Variants in RAPGEF4 observed in about 807,000 individuals in gnomAD.
The protein encoded by RAPGEF4 is RAP guanine-nucleotide-exchange factor (GEF) 4.
RAPGEF4 carries 66 observed loss-of-function variants against 147.9 expected under a neutral mutation model. The ratio of observed to expected loss-of-function variants is 0.45; its 90% confidence interval spans 0.37 to 0.55. The LOEUF (loss-of-function observed/expected upper bound fraction) is 0.55, where lower values mean the gene tolerates loss of function less well. Ranked by LOEUF, RAPGEF4 falls within the 20% of genes least tolerant of loss-of-function variation. The pLI, the probability that RAPGEF4 is intolerant of heterozygous loss-of-function variation, is 0.00. For missense variants in RAPGEF4, 1,071 were observed against 1,257.3 expected (o/e 0.85, Z 2.24); for synonymous variants, 419 against 442.7 (o/e 0.95, Z 0.67).
rs575104832 is a variant in RAPGEF4 at position 172,773,963 on chromosome 2, A to G, written c.66-21062A>G. Among the ~76,000 whole-genome samples the G allele has an allele frequency of 1.5e-4, 23 of 152,260 alleles. No homozygotes were observed. In the East Asian group the frequency reaches 3.1e-3, roughly 20 times the overall value. On this transcript the variant is annotated intron_variant, in intron 1 of 30. Coordinates refer to ENST00000397081, the MANE Select transcript of RAPGEF4 (RefSeq NM_007023.4). ...TATTTCTAAGTAAGGTGCATACATAATTTATTGTCCAAACCAGAATACTTT... is the reference window on the plus strand; with the variant it reads ...TATTTCTAAGTAAGGTGCATACATAGTTTATTGTCCAAACCAGAATACTTT...
At chr2:172,935,624 G>T (rs1196144443) in intron 6 of RAPGEF4, among the ~76,000 whole-genome samples, 1 of 152,218 alleles carries the variant, frequency 6.6e-6, no homozygotes, top group African/African-American at 2.4e-5. Context: ...AAGTTGGACA[G>T]ATGCACTTAT....
rs1436576828 is a variant in RAPGEF4 at position 172,988,237 on chromosome 2, C to G, written c.1192C>G (p.Leu398Val). The change falls in exon 13 of 31, where the codon CTA becomes GTA. Residue 398 changes from leucine to valine, a missense_variant. By Grantham distance (32) the Leu-to-Val change is conservative. Transcript: ENST00000397081. ...AGAAGGTACCTCCTGGTACATTATT[C>G]TAAAAGGATCAGTGAATGTAGTCAT... ...GEEGTSWYII[L>V]KGSVNVVIYG... 5 of 1,611,370 alleles carry G rather than the reference C, an allele frequency of 3.1e-6. No homozygotes were observed. The highest frequency in any genetic ancestry group is 4.2e-6 in the Non-Finnish European group (5 of 1,179,390).
intron 10 of RAPGEF4, among the ~76,000 whole-genome samples, chr2:172,973,701 G>T (rs960238471): frequency 6.6e-6 from 1 of 152,184 alleles, no homozygotes. Context: ...TTAGAGAGAG[G>T]TGTGGTGTGA....
chr2:172,956,009 A>G (rs1688690911), intron 6 of RAPGEF4, among the ~76,000 whole-genome samples: 2 of 152,162 alleles, frequency 1.3e-5, no homozygotes, highest in South Asian at 4.1e-4. Flanking sequence ...CATTTAACCT[A>G]ATCATTTATA....
intron 1 of RAPGEF4, among the ~76,000 whole-genome samples, chr2:172,789,137 C>T (rs1195085726): frequency 6.6e-6 from 1 of 152,200 alleles, no homozygotes; most frequent in African/African-American, 2.4e-5. Context: ...AAAAGAACCT[C>T]TCACTCCTTC....
At chr2:172,757,530 TCTTCC>T (rs1695893314) in intron 1 of RAPGEF4, among the ~76,000 whole-genome samples, 1 of 152,238 alleles carries the variant, frequency 6.6e-6, no homozygotes, top group Admixed American at 6.5e-5. Context: ...CATCCTATCT[TCTTCC>T]CTTGCACAAA....
chr2:172,758,781 A>G (rs779292351), intron 1 of RAPGEF4, among the ~76,000 whole-genome samples: 15 of 152,088 alleles, frequency 9.9e-5, no homozygotes, highest in Non-Finnish European at 2.1e-4. Flanking sequence ...AGTTTGAGAT[A>G]CCTATTAGAC....
chr2:172,889,224 G>A lies in RAPGEF4; in HGVS notation c.445-28578G>A, dbSNP rs549949603. Among the ~76,000 whole-genome samples, 5 of 151,760 alleles carry A rather than the reference G, an allele frequency of 3.3e-5. No individual in the cohort carries two copies. In the South Asian group the frequency reaches 8.4e-4, roughly 25 times the overall value. On this transcript the variant is annotated intron_variant, in intron 4 of 30. Coordinates refer to ENST00000397081, the MANE Select transcript of RAPGEF4 (RefSeq NM_007023.4). ...CACTCATTTTTTTTTCCTTACTAAA[G>A]AGCTGGAAGAGATCACATGACACTG...
Position 172,795,165 on chromosome 2 carries a change from C to T in RAPGEF4, c.206C>T (p.Thr69Ile), listed in dbSNP as rs1397469873. The T allele has an allele frequency of 1.2e-6, 2 of 1,605,928 alleles. No homozygotes were observed. The highest frequency in any genetic ancestry group is 1.7e-6 in the Non-Finnish European group (2 of 1,173,226). ...GYYENLEKGI[T>I]LFRQGDIGTN... Reference sequence around the variant, plus strand: ...TATGAGAATCTGGAAAAGGGAATAACATGTAAGAAATGCAACTCTTGTAGT... The same window carrying T: ...TATGAGAATCTGGAAAAGGGAATAATATGTAAGAAATGCAACTCTTGTAGT... The change falls in exon 2 of 31, where the codon ACA becomes ATA. Residue 69 changes from threonine (T) to isoleucine (I), a missense_variant and splice_region_variant. Physicochemically the swap from Thr to Ile is moderately conservative, Grantham distance 89. Transcript: ENST00000397081.
chr2:172,878,176 A>G (rs923729375), intron 4 of RAPGEF4, among the ~76,000 whole-genome samples: 6 of 152,216 alleles, frequency 3.9e-5, no homozygotes, highest in African/African-American at 1.4e-4. Flanking sequence ...GGAACTAGAG[A>G]TGGGGGAAGT....
chr2:173,039,467 A>G (rs1196836287), intron 29 of RAPGEF4, among the ~76,000 whole-genome samples: 1 of 151,852 alleles, frequency 6.6e-6, no homozygotes, highest in African/African-American at 2.4e-5. Flanking sequence ...TGTCTCAAAA[A>G]AAAAAAAAAA....
At chr2:173,030,372 A>G (rs1008739281) in intron 26 of RAPGEF4, 118 bp downstream of exon 26, 3 of 791,384 alleles carry the variant, frequency 3.8e-6, no homozygotes, top group Non-Finnish European at 6.3e-6. Flanking sequence ...GAAAGGTGGG[A>G]CACTTGGAGG....
At chr2:173,033,363 G>T (rs1185491736) in intron 26 of RAPGEF4, among the ~76,000 whole-genome samples, 1 of 152,114 alleles carries the variant, frequency 6.6e-6, no homozygotes, top group Non-Finnish European at 1.5e-5. Flanking sequence ...TAAAACACAG[G>T]CTCAATCTAT....
chr2:172,994,543 C>T (rs946008090), intron 15 of RAPGEF4, among the ~76,000 whole-genome samples: 1 of 152,196 alleles, frequency 6.6e-6, no homozygotes, highest in African/African-American at 2.4e-5. Context: ...AACAGGACGA[C>T]CTTATTCAGT....
At chr2:172,995,119 A>C (rs200350649) in intron 15 of RAPGEF4, among the ~76,000 whole-genome samples, 1 of 25,332 alleles carries the variant, frequency 3.9e-5, no homozygotes, top group Non-Finnish European at 2.2e-4. Flanking sequence ...ACAATATGTT[A>C]AGAGTTACTC....
At chr2:173,033,769 G>A (rs1683539386) in intron 26 of RAPGEF4, 145 bp from the exon 27 acceptor site, 3 of 743,994 alleles carry the variant, frequency 4.0e-6, no homozygotes, top group Non-Finnish European at 6.6e-6. Context: ...TTCTCAAATG[G>A]CAAGACAGAT....
chr2:172,799,728 A>G (rs116060537), intron 3 of RAPGEF4, among the ~76,000 whole-genome samples: 286 of 152,326 alleles, frequency 1.9e-3, no homozygotes, highest in African/African-American at 6.7e-3. Flanking sequence ...AGGAAAGGGA[A>G]GCAAGATGAG....
intron 1 of RAPGEF4, among the ~76,000 whole-genome samples, chr2:172,762,401 A>G (rs1304737458): frequency 1.3e-5 from 2 of 152,158 alleles, no homozygotes; most frequent in African/African-American, 4.8e-5. Context: ...TCACATATTT[A>G]TCACTGAGAT....
intron 6 of RAPGEF4, among the ~76,000 whole-genome samples, chr2:172,937,082 A>C (rs1366766863): frequency 6.8e-6 from 1 of 148,140 alleles, no homozygotes; most frequent in Non-Finnish European, 1.5e-5. Context: ...TTAGTCAGGC[A>C]TGGTGGTACC....
Sources: allele counts gnomAD v4.1 joint callset (sites outside exome capture counted in the v4.1 genomes callset), GRCh38; gene constraint gnomAD v4.1.1; transcripts MANE v1.5; gene names NCBI Gene and HGNC (gene_info 2026-07-23, HGNC 2026-07-21).